USP9X: variants seen among roughly 807,000 people sequenced by gnomAD.
USP9X encodes ubiquitin specific peptidase 9 X-linked, also known as ubiquitin carboxyl-terminal hydrolase 9X.
USP9X carries 7 observed loss-of-function variants against 190.3 expected under a neutral mutation model. The observed-to-expected ratio is 0.04, with a 90% CI of 0.02 to 0.07. USP9X has a LOEUF of 0.07. USP9X is among the 10% of genes least tolerant of loss of function. The probability of loss-of-function intolerance (pLI) is 1.00; values close to 1 mark genes in which losing one functional copy is unlikely to be tolerated. For synonymous variants in USP9X, 645 were observed against 659.5 expected (o/e 0.98, Z 0.34); for missense variants, 1,010 against 1,916.9 (o/e 0.53, Z 8.83).
chrX:41,141,016 A>T lies in USP9X; in HGVS notation c.821A>T (p.Tyr274Phe). Residue 274 changes from tyrosine to phenylalanine, a missense_variant, in exon 8 of 45, where the codon TAC becomes TTC. Tyr to Phe is a conservative substitution (Grantham distance 22, BLOSUM62 3). Coordinates refer to ENST00000378308, the MANE Select transcript of USP9X (RefSeq NM_001039591.3). ...CTCACTCTTCATACAGTGAAAAAGT[A>T]CTTTCTTCCAATAATAGAAATGGTT... is the stretch of plus-strand genomic sequence containing the variant. ...EFLTLHTVKKYFLPIIEMVPQ... is the reference protein window; with the variant it reads ...EFLTLHTVKKFFLPIIEMVPQ... The T allele has an allele frequency of 8.3e-7, 1 of 1,204,777 alleles. No individual in the cohort carries two copies. Among genetic ancestry groups the T allele is most frequent in the Non-Finnish European group, 1.1e-6 (1 of 892,202 alleles).
At chrX:41,199,980 G>A (rs1297711590) in intron 30 of USP9X, among the ~76,000 whole-genome samples, 1 of 111,503 alleles carries the variant, frequency 9.0e-6, no homozygotes, top group Non-Finnish European at 1.9e-5. Context: ...ATTAATAACA[G>A]AAAAAGCAGA....
intron 2 of USP9X, among the ~76,000 whole-genome samples, chrX:41,125,684 A>ACACACACTCT: frequency 2.0e-3 from 38 of 19,027 alleles, no homozygotes; most frequent in South Asian, 0.011. Flanking sequence ...ACACACACAC[A>ACACACACTCT]CTCTCTCTCT....
intron 38 of USP9X, among the ~76,000 whole-genome samples, chrX:41,219,471 C>A (rs1195230590): frequency 9.3e-6 from 1 of 107,149 alleles, no homozygotes; most frequent in Non-Finnish European, 1.9e-5. Flanking sequence ...TCTCCTAATG[C>A]AGTGGTGCCA....
chrX:41,197,352 C>CCCCCCGGGGCGGGGG lies in USP9X; in HGVS notation c.4234-12_4234-11insCCCCCGGGGCGGGGG. The CCCCCCGGGGCGGGGG allele has an allele frequency of 2.0e-6, 2 of 988,219 alleles. No individual in the cohort carries two copies. The highest frequency in any genetic ancestry group is 1.3e-6 in the Non-Finnish European group (1 of 759,386). 81.4% of individuals were successfully genotyped at this position (988,219 alleles called of 1,213,427 possible). A position where few individuals can be genotyped will look rare whatever the true frequency, so the allele number is the denominator to read the frequency against. On this transcript the variant is annotated splice_polypyrimidine_tract_variant and intron_variant, in intron 28 of 44. Transcript: ENST00000378308. ...TTCTTCCCCCCCCCACCCCACCCCC[C>CCCCCCGGGGCGGGGG]GCCTTTGGCAGGATGATGTTAAAAG...
chrX:41,205,893 TTC>T (rs201858774), intron 32 of USP9X, among the ~76,000 whole-genome samples: 2 of 100,104 alleles, frequency 2.0e-5, no homozygotes, highest in Admixed American at 1.1e-4. Flanking sequence ...TTTTCTTTTT[TTC>T]TTTTTTTTTT....
chrX:41,191,656 AATT>A (rs1313216387), intron 26 of USP9X, among the ~76,000 whole-genome samples: 1 of 111,962 alleles, frequency 8.9e-6, no homozygotes, highest in Non-Finnish European at 1.9e-5. Flanking sequence ...CTCTGGGTGT[AATT>A]ATAATCCACC....
chrX:41,120,188 A>G (rs1027500018), intron 1 of USP9X, among the ~76,000 whole-genome samples: 2 of 111,392 alleles, frequency 1.8e-5, no homozygotes, highest in Non-Finnish European at 3.8e-5. Context: ...CTAGTGTAGC[A>G]TTTAAGAGCT....
chrX:41,185,675 T>C (rs2062867392), intron 23 of USP9X, among the ~76,000 whole-genome samples: 1 of 110,642 alleles, frequency 9.0e-6, no homozygotes, highest in African/African-American at 3.3e-5. Context: ...AAGTAGTTCT[T>C]ATTAGGTAAG....
At chrX:41,217,631 A>G (rs1213981636) in intron 36 of USP9X, among the ~76,000 whole-genome samples, 1 of 111,974 alleles carries the variant, frequency 8.9e-6, no homozygotes, top group Non-Finnish European at 1.9e-5. Context: ...CACACCTGTA[A>G]TGCCAGCACT....
At chrX:41,146,815 G>A (rs746693557) in intron 11 of USP9X, among the ~76,000 whole-genome samples, 11 of 104,957 alleles carry the variant, frequency 1.0e-4, no homozygotes, top group African/African-American at 3.5e-4. Flanking sequence ...TCCCAATTTG[G>A]TTATCTTTTT....
intron 18 of USP9X, among the ~76,000 whole-genome samples, chrX:41,169,547 C>T (rs1444014610): frequency 9.0e-6 from 1 of 110,959 alleles, no homozygotes; most frequent in Non-Finnish European, 1.9e-5. Flanking sequence ...CTTTGCCTCC[C>T]AGGTTCAAGC....
At chrX:41,092,988 T>G (rs1295893046) in intron 1 of USP9X, among the ~76,000 whole-genome samples, 1 of 110,979 alleles carries the variant, frequency 9.0e-6, no homozygotes, top group African/African-American at 3.3e-5. Context: ...TCCTCGCACC[T>G]CAGCCTGCCG....
At chrX:41,176,014 C>A (rs2062772042) in intron 21 of USP9X, among the ~76,000 whole-genome samples, 1 of 111,419 alleles carries the variant, frequency 9.0e-6, no homozygotes, top group African/African-American at 3.3e-5. Flanking sequence ...GCCTCAGCCT[C>A]CCAGTAGCTG....
chrX:41,209,696 T>C (rs2063142105), intron 32 of USP9X, among the ~76,000 whole-genome samples: 1 of 112,300 alleles, frequency 8.9e-6, no homozygotes, highest in Non-Finnish European at 1.9e-5. Flanking sequence ...TAACAAATAA[T>C]ATATTTGATT....
intron 20 of USP9X, 116 bp from the exon 21 acceptor site, chrX:41,171,722 G>C: frequency 1.1e-6 from 1 of 892,994 alleles, no homozygotes; most frequent in Non-Finnish European, 1.6e-6. Flanking sequence ...CTATTTCAAA[G>C]AGTAGAAATT....
At chrX:41,205,887 C>CTTTT (rs751427663) in intron 32 of USP9X, among the ~76,000 whole-genome samples, 39 of 87,153 alleles carry the variant, frequency 4.5e-4, no homozygotes, top group African/African-American at 1.5e-3. Context: ...TTTTCTTTTT[C>CTTTT]TTTTTTTCTT....
intron 26 of USP9X, among the ~76,000 whole-genome samples, chrX:41,191,434 T>G (rs2062934855): frequency 9.0e-6 from 1 of 111,529 alleles, no homozygotes; most frequent in Admixed American, 9.6e-5. Flanking sequence ...AGATGGAGTT[T>G]ATAATCCTAT....
Position 41,196,271 on chromosome X carries a change from A to G in USP9X, c.3998A>G (p.Gln1333Arg), listed in dbSNP as rs2062983448. 3 of 1,212,170 alleles carry G rather than the reference A, an allele frequency of 2.5e-6. No homozygotes were observed. The highest frequency in any genetic ancestry group is 3.3e-6 in the Non-Finnish European group (3 of 895,590). ...TTCAGAACTGTTCGTCAGGTGGCAC[A>G]GGAGCAGTTCTTTTTAATGTGCACC... ...CHSKTVRQVAQEQFFLMCTRC... is the reference protein window; with the variant it reads ...CHSKTVRQVAREQFFLMCTRC... The change falls in exon 27 of 45, where the codon CAG (glutamine) becomes CGG (arginine). Residue 1333 changes from glutamine (Q) to arginine (R), a missense_variant. Gln to Arg is a conservative substitution (Grantham distance 43). This residue lies in a region of USP9X where 351 missense variants were observed against 480.8 expected (regional missense o/e 0.73). Transcript: ENST00000378308.
intron 26 of USP9X, among the ~76,000 whole-genome samples, chrX:41,190,882 G>A (rs988589668): frequency 6.3e-5 from 7 of 111,594 alleles, no homozygotes. Flanking sequence ...TAGGGAGGGC[G>A]TTCTAAGTTA....
Sources: gnomAD v4.1 joint callset for allele counts (sites outside exome capture counted in the v4.1 genomes callset) on GRCh38, gnomAD v4.1.1 for gene constraint, gnomAD v4.1.1 regional missense constraint, MANE v1.5 for transcripts, NCBI Gene and HGNC (gene_info 2026-07-23, HGNC 2026-07-21) for gene names.